Variants in RANBP2 observed in about 807,000 individuals in gnomAD.
RANBP2 encodes the protein RAN binding protein 2, also known as E3 SUMO-protein ligase RanBP2.
In RANBP2, 57 loss-of-function variants were observed where a neutral mutation model predicts 303.6. The observed-to-expected ratio is 0.19, with a 90% CI of 0.15 to 0.23. RANBP2 has a LOEUF of 0.23. Ranked by LOEUF, RANBP2 falls within the 10% of genes least tolerant of loss-of-function variation. The pLI is 1.00. For missense variants in RANBP2, 3,138 were observed against 3,780.8 expected (o/e 0.83, Z 4.46); for synonymous variants, 1,167 against 1,301.5 (o/e 0.90, Z 2.23).
At chr2:109,305,382 G>A in the RANBP2 span, among the ~76,000 whole-genome samples, 1 of 152,066 alleles carries the variant, frequency 6.6e-6, no homozygotes, top group Non-Finnish European at 1.5e-5. Context: ...CCATACAGGT[G>A]TCTCGGGGCA....
the RANBP2 span, among the ~76,000 whole-genome samples, chr2:109,120,659 C>T: frequency 2.2e-5 from 2 of 91,322 alleles, no homozygotes; most frequent in Non-Finnish European, 4.2e-5. Context: ...AAGAGCGAAA[C>T]TCCGTCTCAA....
chr2:109,054,026 G>A, the RANBP2 span, among the ~76,000 whole-genome samples: 64 of 152,320 alleles, frequency 4.2e-4, no homozygotes, highest in African/African-American at 1.5e-3. Context: ...ATGGGGCTGA[G>A]GCGGAGGCCA....
chr2:108,853,388 A>G, the RANBP2 span, among the ~76,000 whole-genome samples: 10 of 152,182 alleles, frequency 6.6e-5, no homozygotes, highest in African/African-American at 9.7e-5. Flanking sequence ...GTCATTAACA[A>G]TAAGTATGGA....
At chr2:109,018,599 C>T in the RANBP2 span, among the ~76,000 whole-genome samples, 1 of 152,240 alleles carries the variant, frequency 6.6e-6, no homozygotes, top group Non-Finnish European at 1.5e-5. Flanking sequence ...CTGCATGCTT[C>T]TCCTAACCTC....
the RANBP2 span, among the ~76,000 whole-genome samples, chr2:108,839,824 GT>G: frequency 1.0e-4 from 15 of 147,076 alleles, no homozygotes; most frequent in East Asian, 1.6e-3. Context: ...ACAGTGTTGT[GT>G]TTTTTTTTTC....
the RANBP2 span, among the ~76,000 whole-genome samples, chr2:109,313,996 A>G: frequency 6.6e-6 from 1 of 152,226 alleles, no homozygotes; most frequent in Non-Finnish European, 1.5e-5. Flanking sequence ...GAGGAAAGTG[A>G]CAAGAAGGAG....
chr2:109,176,454 A>G, the RANBP2 span, among the ~76,000 whole-genome samples: 7 of 152,232 alleles, frequency 4.6e-5, no homozygotes, highest in East Asian at 1.4e-3. Context: ...CATAGGGGCC[A>G]GCCATGATGG....
chr2:109,163,600 C>T, the RANBP2 span, among the ~76,000 whole-genome samples: 1,007 of 151,380 alleles, frequency 6.7e-3, 11 homozygotes, highest in African/African-American at 0.023. Context: ...GGGGTTTCAC[C>T]GTTTTAGCCG....
the RANBP2 span, among the ~76,000 whole-genome samples, chr2:109,006,770 G>C: frequency 6.6e-6 from 1 of 152,212 alleles, no homozygotes; most frequent in African/African-American, 2.4e-5. Flanking sequence ...GCGCATCCCA[G>C]GCACTGCCCG....
At chr2:108,816,189 G>A in the RANBP2 span, 18 of 998,334 alleles carry the variant, frequency 1.8e-5, no homozygotes, top group African/African-American at 8.2e-5. Context: ...AGTGGCTCAC[G>A]TCTATAATCC....
At chr2:109,049,120 A>G in the RANBP2 span, among the ~76,000 whole-genome samples, 1 of 152,226 alleles carries the variant, frequency 6.6e-6, no homozygotes, top group Non-Finnish European at 1.5e-5. Flanking sequence ...GAGCTATCCT[A>G]GGAGACCATG....
the RANBP2 span, among the ~76,000 whole-genome samples, chr2:109,438,477 G>A: frequency 1.1e-3 from 163 of 152,302 alleles, no homozygotes; most frequent in African/African-American, 3.8e-3. Flanking sequence ...CTTCATGGGT[G>A]GTCTGAGGAC....
At chr2:108,853,135 T>C in the RANBP2 span, among the ~76,000 whole-genome samples, 2 of 152,198 alleles carry the variant, frequency 1.3e-5, no homozygotes, top group Non-Finnish European at 2.9e-5. Flanking sequence ...GATAAATAGC[T>C]GATAGACCCA....
At chr2:109,193,019 A>G in the RANBP2 span, among the ~76,000 whole-genome samples, 3 of 152,242 alleles carry the variant, frequency 2.0e-5, no homozygotes, top group African/African-American at 7.2e-5. Context: ...AAAAGTTGTA[A>G]TACAGATCCA....
At chr2:109,043,612 G>C in the RANBP2 span, among the ~76,000 whole-genome samples, 1 of 152,172 alleles carries the variant, frequency 6.6e-6, no homozygotes, top group Non-Finnish European at 1.5e-5. Flanking sequence ...TGGAATTACA[G>C]GCGTGAGCCA....
At chr2:109,766,148 T>C in the RANBP2 span, among the ~76,000 whole-genome samples, 21 of 150,930 alleles carry the variant, frequency 1.4e-4, no homozygotes, top group Non-Finnish European at 1.0e-4. Context: ...TGCGTGGCTC[T>C]CATTGGCCCT....
chr2:109,569,432 C>G, the RANBP2 span, among the ~76,000 whole-genome samples: 24 of 123,968 alleles, frequency 1.9e-4, 1 homozygote, highest in Non-Finnish European at 3.1e-4. Context: ...GAGCAAAACT[C>G]TTGTTAAAAA....
Position 108,784,451 on chromosome 2 carries a change from A to G in RANBP2, c.*550A>G, listed in dbSNP as rs995484823. 6.5e-6 allele frequency: 1 copy of G among 152,774 alleles called. No individual in the cohort carries two copies. Among genetic ancestry groups the G allele is most frequent in the Admixed American group, 6.5e-5 (1 of 15,288 alleles). The allele number at this position is 152,774 out of a possible 1,614,324, so 9.5% of individuals were successfully genotyped here. On this transcript the variant is annotated 3_prime_UTR_variant, in exon 29 of 29. Transcript: ENST00000283195. Reference sequence around the variant, plus strand: ...ATCTTTACACCTCCTGTGTGGTTACAAGTTAACTTTGTAAGTAGCGTACCT... The same window carrying G: ...ATCTTTACACCTCCTGTGTGGTTACGAGTTAACTTTGTAAGTAGCGTACCT...
chr2:109,218,365 TG>T, the RANBP2 span, among the ~76,000 whole-genome samples: 1 of 152,206 alleles, frequency 6.6e-6, no homozygotes, highest in African/African-American at 2.4e-5. Context: ...ATTCAAAATA[TG>T]GGCTTCTGAG....
Sources: allele counts gnomAD v4.1 joint callset (sites outside exome capture counted in the v4.1 genomes callset), GRCh38; gene constraint gnomAD v4.1.1; transcripts MANE v1.5; gene names NCBI Gene and HGNC (gene_info 2026-07-23, HGNC 2026-07-21).